The following STRN3 variants were observed in gnomAD, a reference collection of about 807,000 sequenced individuals.
STRN3 encodes striatin 3, also known as striatin-3.
In STRN3, 29 loss-of-function variants were observed where a neutral mutation model predicts 95.6. The observed-to-expected ratio is 0.30, with a 90% CI of 0.23 to 0.41. STRN3 has a LOEUF of 0.41. STRN3 is among the 10% of genes least tolerant of loss of function. STRN3 has a pLI of 1.00. For missense variants in STRN3, 890 were observed against 972.1 expected (o/e 0.92, Z 1.12); for synonymous variants, 331 against 357.6 (o/e 0.93, Z 0.84).
At chr14:31,010,815 G>T (rs1882936362) in intron 1 of STRN3, among the ~76,000 whole-genome samples, 1 of 152,244 alleles carries the variant, frequency 6.6e-6, no homozygotes, top group South Asian at 2.1e-4. Context: ...AAGGCGGGTA[G>T]ATCACCTGAG....
At chr14:30,999,855 CATCAA>C (rs1882366058) in intron 1 of STRN3, among the ~76,000 whole-genome samples, 1 of 152,250 alleles carries the variant, frequency 6.6e-6, no homozygotes, top group Non-Finnish European at 1.5e-5. Flanking sequence ...CATCAAGATA[CATCAA>C]ATCAAATGAT....
intron 3 of STRN3, among the ~76,000 whole-genome samples, chr14:30,954,491 AT>A (rs2139137803): frequency 6.6e-6 from 1 of 152,262 alleles, no homozygotes; most frequent in African/African-American, 2.4e-5. Flanking sequence ...ATTTTACAAT[AT>A]TTTGTTCACA....
intron 1 of STRN3, among the ~76,000 whole-genome samples, chr14:30,988,131 C>T (rs1881785920): frequency 6.6e-6 from 1 of 152,170 alleles, no homozygotes; most frequent in Non-Finnish European, 1.5e-5. Context: ...TGAACAGAAG[C>T]CAAGTCTTCC....
chr14:30,909,547 A>G (rs1896556271), intron 13 of STRN3, among the ~76,000 whole-genome samples: 1 of 152,156 alleles, frequency 6.6e-6, no homozygotes, highest in South Asian at 2.1e-4. Flanking sequence ...GCACCATCAT[A>G]GCTCACTACA....
intron 1 of STRN3, among the ~76,000 whole-genome samples, chr14:31,016,637 G>C (rs1566495223): frequency 6.6e-6 from 1 of 152,018 alleles, no homozygotes; most frequent in Non-Finnish European, 1.5e-5. Flanking sequence ...TCCGCCTCCC[G>C]GGTTAAAGCG....
chr14:30,946,112 G>T (rs761674623), intron 5 of STRN3, among the ~76,000 whole-genome samples: 6 of 152,128 alleles, frequency 3.9e-5, no homozygotes, highest in African/African-American at 1.2e-4. Context: ...TCATTCTAGT[G>T]AGAGTAGCAT....
intron 1 of STRN3, among the ~76,000 whole-genome samples, chr14:30,990,644 T>C (rs771125532): frequency 6.6e-6 from 1 of 152,156 alleles, no homozygotes; most frequent in Non-Finnish European, 1.5e-5. Flanking sequence ...TAAAATACAG[T>C]TGGCCCTCAC....
At chr14:30,948,802 G>A (rs1456661691) in intron 4 of STRN3, among the ~76,000 whole-genome samples, 1 of 152,208 alleles carries the variant, frequency 6.6e-6, no homozygotes, top group Non-Finnish European at 1.5e-5. Context: ...AGGCATTTAT[G>A]AGAGGAATAC....
At chr14:30,948,084 A>G (rs959888075) in intron 4 of STRN3, among the ~76,000 whole-genome samples, 3 of 152,198 alleles carry the variant, frequency 2.0e-5, no homozygotes, top group Non-Finnish European at 4.4e-5. Context: ...GCAAGATACA[A>G]TCTCTTTGAC....
intron 1 of STRN3, among the ~76,000 whole-genome samples, chr14:31,001,901 C>G (rs1209139594): frequency 2.6e-5 from 4 of 151,898 alleles, no homozygotes; most frequent in Non-Finnish European, 5.9e-5. Context: ...CGTGGTGGCT[C>G]ATGCCTGTAA....
rs1439976963 is a variant in STRN3 at position 30,902,550 on chromosome 14, A to G, written c.2123T>C (p.Phe708Ser). 6.3e-7 allele frequency: 1 copy of G among 1,597,768 alleles called. No individual in the cohort carries two copies. The highest frequency in any genetic ancestry group is 1.8e-5 in the Admixed American group (1 of 56,540). The change falls in exon 16 of 18, where the codon TTT (phenylalanine) becomes TCT (serine). Residue 708 changes from phenylalanine (F) to serine (S), a missense_variant. Physicochemically the swap from Phe to Ser is radical, Grantham distance 155. This residue lies in a region of STRN3 where 357 missense variants were observed against 422.8 expected (regional missense o/e 0.84). Coordinates refer to ENST00000357479, the MANE Select transcript of STRN3 (RefSeq NM_001083893.2). ...AATTTGCTTACCCGTTTTATTGTCA[A>G]AAAATTTGATGTGTCTATCTTCATG... ...TAHEDRHIKF[F>S]DNKTGKMIHS... is the part of the protein sequence containing the mutation.
chr14:30,905,580 AC>A (rs1471155035), intron 14 of STRN3, 22 bp from the exon 15 acceptor site: 2 of 1,568,420 alleles, frequency 1.3e-6, no homozygotes. Flanking sequence ...CCAAAGACAG[AC>A]AATGTAAACA....
At chr14:31,021,119 G>A (rs1375929813) in intron 1 of STRN3, among the ~76,000 whole-genome samples, 1 of 152,162 alleles carries the variant, frequency 6.6e-6, no homozygotes, top group Non-Finnish European at 1.5e-5. Context: ...TAACTTTAAT[G>A]TGGCAAGGAA....
chr14:30,968,384 TAAA>T (rs71112364), intron 1 of STRN3, among the ~76,000 whole-genome samples: 8 of 136,792 alleles, frequency 5.8e-5, no homozygotes, highest in Admixed American at 1.5e-4. Context: ...TTAACTGGTT[TAAA>T]AAAAAAAAAA....
intron 1 of STRN3, among the ~76,000 whole-genome samples, chr14:31,009,488 C>T (rs188515640): frequency 5.9e-5 from 9 of 151,896 alleles, no homozygotes; most frequent in East Asian, 3.9e-4. Flanking sequence ...CCCGCCCCCG[C>T]GCCCCAGTTG....
chr14:30,958,337 T>C (rs1021952726), intron 1 of STRN3, among the ~76,000 whole-genome samples: 2 of 151,940 alleles, frequency 1.3e-5, no homozygotes, highest in Non-Finnish European at 2.9e-5. Flanking sequence ...AATAAACAAA[T>C]AAGCAGCTAC....
intron 16 of STRN3, among the ~76,000 whole-genome samples, chr14:30,900,781 T>C (rs1300358018): frequency 1.3e-5 from 2 of 152,028 alleles, no homozygotes; most frequent in East Asian, 3.9e-4. Context: ...TTTTCTATTA[T>C]TTGGAGCCTA....
chr14:30,897,258 T>G (rs908164532), intron 16 of STRN3, among the ~76,000 whole-genome samples: 6 of 152,122 alleles, frequency 3.9e-5, no homozygotes, highest in Non-Finnish European at 8.8e-5. Flanking sequence ...CATAATAAAA[T>G]GTGTAAAAAT....
intron 1 of STRN3, among the ~76,000 whole-genome samples, chr14:30,960,545 C>T (rs1245058517): frequency 6.6e-6 from 1 of 152,008 alleles, no homozygotes; most frequent in African/African-American, 2.4e-5. Flanking sequence ...AAAAATGGTG[C>T]TTAGTAATAG....
Sources: gnomAD v4.1 joint callset for allele counts (sites outside exome capture counted in the v4.1 genomes callset) on GRCh38, gnomAD v4.1.1 for gene constraint, gnomAD v4.1.1 regional missense constraint, MANE v1.5 for transcripts, NCBI Gene and HGNC (gene_info 2026-07-23, HGNC 2026-07-21) for gene names.